Variants in CCDC171 observed in about 807,000 individuals in gnomAD.
CCDC171 encodes the protein coiled-coil domain containing 171.
CCDC171 carries 177 observed loss-of-function variants against 168.2 expected under a neutral mutation model. The ratio of observed to expected loss-of-function variants is 1.05; its 90% confidence interval spans 0.93 to 1.19. CCDC171 has a LOEUF of 1.19. CCDC171 is among the 50% of genes most tolerant of loss of function. The probability of loss-of-function intolerance (pLI) is 0.00; values close to 1 mark genes in which losing one functional copy is unlikely to be tolerated. For missense variants in CCDC171, 1,991 were observed against 1,539.0 expected (o/e 1.29, Z -4.91); for synonymous variants, 687 against 540.8 (o/e 1.27, Z -3.75).
intron 24 of CCDC171, among the ~76,000 whole-genome samples, chr9:15,903,791 C>T (rs148216989): frequency 6.6e-5 from 10 of 152,246 alleles, no homozygotes; most frequent in African/African-American, 1.4e-4. Flanking sequence ...AAAGATTAGA[C>T]GAATGCTAAC....
At chr9:15,643,656 A>G (rs1046949169) in intron 7 of CCDC171, among the ~76,000 whole-genome samples, 1 of 152,182 alleles carries the variant, frequency 6.6e-6, no homozygotes, top group African/African-American at 2.4e-5. Flanking sequence ...TATTACCACT[A>G]TCTAATTCCA....
intron 7 of CCDC171, among the ~76,000 whole-genome samples, chr9:15,651,587 G>A (rs1251840294): frequency 6.6e-6 from 1 of 152,018 alleles, no homozygotes; most frequent in South Asian, 2.1e-4. Context: ...TCACATACGA[G>A]TGAGAACGTG....
rs760632018 is a variant in CCDC171 at position 15,973,963 on chromosome 9, C to G, written c.*2127C>G. ...CTTTGTAAAATGTGCCTTGGAAAGG[C>G]CTTGGTCTTCTTGCCTTGATTTTAT... On this transcript the variant is annotated 3_prime_UTR_variant, in exon 26 of 26. Transcript: ENST00000380701. The G allele has an allele frequency of 4.6e-5, 7 of 152,046 alleles. No homozygotes were observed. Among genetic ancestry groups the G allele is most frequent in the Non-Finnish European group, 1.0e-4 (7 of 68,012 alleles). 9.4% of individuals were successfully genotyped at this position (152,046 alleles called of 1,614,324 possible).
intron 25 of CCDC171, among the ~76,000 whole-genome samples, chr9:15,958,114 CCATTCATT>C (rs34099313): frequency 1.3e-3 from 194 of 150,772 alleles, no homozygotes; most frequent in East Asian, 4.6e-3. Flanking sequence ...ACTCACTCAT[CCATTCATT>C]CATTCATTCA....
At chr9:15,793,498 C>A (rs951913309) in intron 21 of CCDC171, among the ~76,000 whole-genome samples, 1 of 149,906 alleles carries the variant, frequency 6.7e-6, no homozygotes, top group South Asian at 2.1e-4. Context: ...ACTCTCCACC[C>A]GAAATCAACA....
At chr9:15,948,593 T>A (rs1205321409) in intron 25 of CCDC171, among the ~76,000 whole-genome samples, 1 of 152,144 alleles carries the variant, frequency 6.6e-6, no homozygotes, top group African/African-American at 2.4e-5. Flanking sequence ...TGAGCATTTT[T>A]TCATGTGTTT....
intron 25 of CCDC171, among the ~76,000 whole-genome samples, chr9:15,921,238 C>G (rs137906301): frequency 1.3e-5 from 2 of 151,744 alleles, no homozygotes; most frequent in East Asian, 1.9e-4. Flanking sequence ...AGCATTAAAA[C>G]AAATAGATGC....
intron 23 of CCDC171, among the ~76,000 whole-genome samples, chr9:15,868,154 G>A (rs1468558579): frequency 6.6e-6 from 1 of 151,992 alleles, no homozygotes; most frequent in Non-Finnish European, 1.5e-5. Context: ...TCTGGTGACA[G>A]CAGCTGGCAG....
rs1045805891 is a variant in CCDC171 at position 15,623,521 on chromosome 9, G to A, written c.822+108G>A. The A allele has an allele frequency of 7.2e-5, 30 of 416,556 alleles. 1 individual carries two copies. Among genetic ancestry groups the A allele is most frequent in the East Asian group, 2.2e-4 (5 of 22,310 alleles). 25.8% of individuals were successfully genotyped at this position (416,556 alleles called of 1,614,324 possible). ...CACACACACACATAAAACCCATTCCGTGATTTAAGATTGGAGAGTTTTACT... is the reference window on the plus strand; with the variant it reads ...CACACACACACATAAAACCCATTCCATGATTTAAGATTGGAGAGTTTTACT... On this transcript the variant is annotated intron_variant, in intron 7 of 25. Transcript: ENST00000380701.
chr9:15,773,142 GA>G (rs923978605), intron 18 of CCDC171, among the ~76,000 whole-genome samples: 9 of 152,014 alleles, frequency 5.9e-5, no homozygotes, highest in African/African-American at 2.2e-4. Flanking sequence ...ATTTTAATAA[GA>G]AAAAATGTTG....
intron 23 of CCDC171, among the ~76,000 whole-genome samples, chr9:15,856,407 T>TA (rs1306254725): frequency 2.0e-5 from 3 of 151,988 alleles, no homozygotes; most frequent in African/African-American, 7.2e-5. Context: ...CTATTTTAGA[T>TA]ACGTCATATA....
chr9:15,741,485 A>G (rs745562268), intron 16 of CCDC171, among the ~76,000 whole-genome samples: 25 of 152,120 alleles, frequency 1.6e-4, no homozygotes, highest in Non-Finnish European at 3.5e-4. Context: ...GCTGAATAAT[A>G]TTCTGTTGTG....
intron 25 of CCDC171, 62 bp downstream of exon 25, chr9:15,920,484 T>C (rs893582296): frequency 9.8e-5 from 115 of 1,172,284 alleles, no homozygotes; most frequent in Non-Finnish European, 8.2e-5. Flanking sequence ...TTTACATTTA[T>C]GTTTTTAATG....
At chr9:15,699,211 C>T (rs945697190) in intron 11 of CCDC171, among the ~76,000 whole-genome samples, 6 of 151,730 alleles carry the variant, frequency 4.0e-5, no homozygotes, top group African/African-American at 1.2e-4. Context: ...TGCGGACCCT[C>T]GTGGTGAGTG....
intron 11 of CCDC171, among the ~76,000 whole-genome samples, chr9:15,704,856 A>C (rs1371778225): frequency 6.6e-6 from 1 of 151,866 alleles, no homozygotes; most frequent in East Asian, 1.9e-4. Context: ...TTGTTTCCTA[A>C]TGCCTCTAAC....
intron 21 of CCDC171, among the ~76,000 whole-genome samples, chr9:15,826,116 TTTA>T (rs1251589397): frequency 6.6e-6 from 1 of 152,102 alleles, no homozygotes; most frequent in Non-Finnish European, 1.5e-5. Flanking sequence ...TGAAATGCTT[TTTA>T]TTGTAGTAAT....
At chr9:15,932,563 A>G (rs1826653601) in intron 25 of CCDC171, among the ~76,000 whole-genome samples, 1 of 151,932 alleles carries the variant, frequency 6.6e-6, no homozygotes. Context: ...AAACAGAGAC[A>G]ACTTGACATC....
At position 15,913,752 on chromosome 9, in the gene CCDC171, G is replaced by T. The variant is rs1824060824; in HGVS notation, c.3601-6518G>T. Among the ~76,000 whole-genome samples, 5 of 152,262 alleles carry T rather than the reference G, an allele frequency of 3.3e-5. No individual in the cohort carries two copies. In the South Asian group the frequency reaches 1.0e-3, roughly 32 times the overall value. ...TTTTTGGAATTTTCAGCCTTTTTGA[G>T]CTGGTTTTTCCTCATCTTAGTGGAT... On this transcript the variant is annotated intron_variant, in intron 24 of 25. Coordinates refer to ENST00000380701, the MANE Select transcript of CCDC171 (RefSeq NM_173550.4).
At chr9:15,786,452 A>G (rs117910017) in intron 21 of CCDC171, among the ~76,000 whole-genome samples, 3 of 152,296 alleles carry the variant, frequency 2.0e-5, no homozygotes, top group East Asian at 3.9e-4. Flanking sequence ...TCCAGACTTT[A>G]TGTTTTAAAA....
Sources: allele counts gnomAD v4.1 joint callset (sites outside exome capture counted in the v4.1 genomes callset), GRCh38; gene constraint gnomAD v4.1.1; transcripts MANE v1.5; gene names NCBI Gene and HGNC (gene_info 2026-07-23, HGNC 2026-07-21).